Variants in SFTPD observed in about 807,000 individuals in gnomAD.
SFTPD encodes the protein pulmonary surfactant-associated protein D.
SFTPD carries 18 observed loss-of-function variants against 34.6 expected under a neutral mutation model. That is an observed-to-expected ratio of 0.52 (90% CI 0.36 to 0.77). The LOEUF is 0.77. Among genes scored for constraint, SFTPD ranks in the 30% least tolerant of loss-of-function variants. The probability of loss-of-function intolerance (pLI) is 0.00; values close to 1 mark genes in which losing one functional copy is unlikely to be tolerated. For synonymous variants in SFTPD, 155 were observed against 180.9 expected (o/e 0.86, Z 1.15); for missense variants, 433 against 468.9 (o/e 0.92, Z 0.71).
upstream of SFTPD, chr10:79,951,029 A>C (rs1842706871): frequency 6.6e-6 from 1 of 151,874 alleles, no homozygotes; most frequent in Non-Finnish European, 1.5e-5. Context: ...TATTTCTAGA[A>C]GTTCTATTTG....
intron 1 of SFTPD, among the ~76,000 whole-genome samples, chr10:79,976,441 T>C (rs1254075653): frequency 6.6e-6 from 1 of 152,130 alleles, no homozygotes. Context: ...TCTACTGCTC[T>C]GGGAAACCAC....
chr10:79,973,358 A>G lies in SFTPD; in HGVS notation c.36+9217T>C, dbSNP rs1036840843. ...TTGAAGGCCAGGCGCAGTGGCTTAC[A>G]TCTGTAATCCCAGCACTTTGGGAGG... On this transcript the variant is annotated intron_variant, in intron 1 of 5. Transcript: ENST00000444384. The G allele has an allele frequency of 2.0e-5, 3 of 151,972 alleles. No homozygotes were observed. The South Asian group carries it at 6.2e-4, about 32-fold the overall frequency. The allele number at this position is 151,972 out of a possible 1,614,324, so 9.4% of individuals were successfully genotyped here. A position where few individuals can be genotyped will look rare whatever the true frequency, so the allele number is the denominator to read the frequency against.
intron 1 of SFTPD, chr10:79,982,298 CA>C: frequency 9.9e-7 from 1 of 1,013,106 alleles, no homozygotes. Context: ...GTTCCCGGCT[CA>C]GGTGCCCAGT....
chr10:79,979,637 A>AG (rs1262550725), intron 1 of SFTPD, among the ~76,000 whole-genome samples: 2 of 152,244 alleles, frequency 1.3e-5, no homozygotes, highest in Non-Finnish European at 1.5e-5. Context: ...TGTCCATTCC[A>AG]GGGGTCAGAA....
In SFTPD at chr10:79,944,469, A is replaced by G. The variant is rs17879471; in HGVS notation, c.200-1590T>C. ...CTGAAGGAGGTGAAGTATGAGCTGC[A>G]GGGACAGCTATGAGAAGAGCAAATG... On this transcript the variant is annotated intron_variant, in intron 2 of 7. Coordinates refer to ENST00000372292, the MANE Select transcript of SFTPD (RefSeq NM_003019.5). Among the ~76,000 whole-genome samples the G allele has an allele frequency of 1.5e-3, 226 of 152,280 alleles. 1 individual carries two copies. Among genetic ancestry groups the G allele is most frequent in the African/African-American group, 5.1e-3 (213 of 41,560 alleles).
chr10:79,959,848 A>G (rs61858847), intron 1 of SFTPD, among the ~76,000 whole-genome samples: 22,116 of 151,898 alleles, frequency 0.15, 2,021 homozygotes, highest in East Asian at 0.41. Context: ...ACCAAAAAAG[A>G]GAATTTTAGA....
intron 1 of SFTPD, among the ~76,000 whole-genome samples, chr10:79,962,562 T>G (rs1842779904): frequency 6.6e-6 from 1 of 152,116 alleles, no homozygotes; most frequent in Non-Finnish European, 1.5e-5. Context: ...TGTCTTCCTC[T>G]CCTCCATTCA....
chr10:79,938,279 C>G (rs746196469), intron 7 of SFTPD, 51 bp from the exon 8 acceptor site: 1 of 1,530,224 alleles, frequency 6.5e-7, no homozygotes, highest in East Asian at 2.3e-5. Context: ...CTGGCCAAAG[C>G]TCAGGGGCTG....
intron 1 of SFTPD, among the ~76,000 whole-genome samples, chr10:79,979,134 A>G (rs1842877834): frequency 6.6e-6 from 1 of 152,192 alleles, no homozygotes; most frequent in Non-Finnish European, 1.5e-5. Flanking sequence ...ATCATGAGAA[A>G]ACATAAACCA....
intron 1 of SFTPD, among the ~76,000 whole-genome samples, chr10:79,975,055 G>T (rs1389959385): frequency 3.0e-5 from 4 of 132,466 alleles, no homozygotes; most frequent in Non-Finnish European, 6.8e-5. Flanking sequence ...CTGTTGATCT[G>T]GGGGGGTGTA....
intron 1 of SFTPD, among the ~76,000 whole-genome samples, chr10:79,981,543 G>GCCAGC (rs1842889988): frequency 6.6e-6 from 1 of 152,172 alleles, no homozygotes; most frequent in Non-Finnish European, 1.5e-5. Flanking sequence ...AGATCCTCCC[G>GCCAGC]CCAGCCCAGC....
chr10:79,946,106 A>G (rs1210225824), intron 2 of SFTPD, among the ~76,000 whole-genome samples: 1 of 152,166 alleles, frequency 6.6e-6, no homozygotes, highest in Admixed American at 6.5e-5. Context: ...AATATTTAAA[A>G]TATTTAATGC....
intron 1 of SFTPD, among the ~76,000 whole-genome samples, chr10:79,959,392 T>C (rs996457134): frequency 3.9e-5 from 6 of 152,026 alleles, no homozygotes; most frequent in African/African-American, 1.2e-4. Flanking sequence ...ATCGATAGAC[T>C]GCTAGCAAGA....
rs17878558 is a variant in SFTPD, at chr10:79,942,597, G to C, written c.317-93C>G. ...GAGGGTAATAACAGAGGTAAGGGAG[G>C]CAGCATTGTTGTCCTCCCAACAGCA... On this transcript the variant is annotated intron_variant, in intron 3 of 7. Coordinates refer to ENST00000372292, the MANE Select transcript of SFTPD (RefSeq NM_003019.5). 8.8e-3 allele frequency: 8,590 copies of C among 972,828 alleles called. 59 individuals carry two copies. Among genetic ancestry groups the C allele is most frequent in the Non-Finnish European group, 0.012 (7,468 of 604,886 alleles). The allele number at this position is 972,828 out of a possible 1,614,324, so 60.3% of individuals were successfully genotyped here. A position where few individuals can be genotyped will look rare whatever the true frequency, so the allele number is the denominator to read the frequency against.
intron 1 of SFTPD, among the ~76,000 whole-genome samples, chr10:79,947,037 A>T (rs726287): frequency 0.2 from 30,144 of 151,774 alleles, 3,787 homozygotes; most frequent in African/African-American, 0.35. Flanking sequence ...TGGGCAGGAC[A>T]CCCCCCGCCC....
At position 79,938,069 on chromosome 10, in the gene SFTPD, A is replaced by G; in HGVS notation, c.911T>C (p.Val304Ala). The G allele has an allele frequency of 6.2e-7, 1 of 1,614,116 alleles. No individual in the cohort carries two copies. The highest frequency in any genetic ancestry group is 8.5e-7 in the Non-Finnish European group (1 of 1,180,004). The change falls in exon 8 of 8, where the codon GTC becomes GCC. Residue 304 changes from valine to alanine, a missense_variant. Transcript: ENST00000372292. ...AAENAALQQL[V>A]VAKNEAAFLS... ...GAAAGCAGCCTCGTTCTTAGCTACG[A>G]CCAGCTGTTGCAAGGCGGCATTCTC...
intron 1 of SFTPD, among the ~76,000 whole-genome samples, chr10:79,956,120 G>A (rs538718919): frequency 6.8e-6 from 1 of 147,528 alleles, no homozygotes; most frequent in Non-Finnish European, 1.5e-5. Flanking sequence ...TATATTTATT[G>A]TGAAAATGTT....
At chr10:79,970,307 A>G (rs1842828196) in intron 1 of SFTPD, 2 of 152,234 alleles carry the variant, frequency 1.3e-5, no homozygotes, top group South Asian at 2.1e-4. Flanking sequence ...AGGTAGTATC[A>G]TGCTTCCAGC....
At chr10:79,956,000 G>C (rs1705142004) in intron 1 of SFTPD, among the ~76,000 whole-genome samples, 1 of 152,150 alleles carries the variant, frequency 6.6e-6, no homozygotes, top group Non-Finnish European at 1.5e-5. Flanking sequence ...ATGTTGGCGG[G>C]AAGTAAAGAG....
Sources: gnomAD v4.1 joint callset for allele counts (sites outside exome capture counted in the v4.1 genomes callset) on GRCh38, gnomAD v4.1.1 for gene constraint, MANE v1.5 for transcripts, NCBI Gene and HGNC (gene_info 2026-07-23, HGNC 2026-07-21) for gene names.